ZNF69: variants seen among roughly 807,000 people sequenced by gnomAD.
ZNF69 encodes the protein zinc finger protein 69, also known as ZNF3.
In ZNF69, 47 loss-of-function variants were observed where a neutral mutation model predicts 50.9. The observed-to-expected ratio is 0.92, with a 90% CI of 0.73 to 1.18. The LOEUF is 1.18. Ranked by LOEUF, ZNF69 falls within the 50% of genes most tolerant of loss-of-function variation. ZNF69 has a pLI of 0.00. For missense variants in ZNF69, 717 were observed against 675.1 expected (o/e 1.06, Z -0.69); for synonymous variants, 216 against 223.1 (o/e 0.97, Z 0.29).
chr19:11,911,506 A>G (rs1462782974), downstream of ZNF69, among the ~76,000 whole-genome samples: 1 of 152,212 alleles, frequency 6.6e-6, no homozygotes, highest in Admixed American at 6.5e-5. Flanking sequence ...AAAAATGATG[A>G]GTTCATGTCC....
At chr19:11,923,243 A>G in the ZNF69 span, among the ~76,000 whole-genome samples, 1 of 152,158 alleles carries the variant, frequency 6.6e-6, no homozygotes, top group Non-Finnish European at 1.5e-5. Context: ...TTTTCTTTCC[A>G]TAAGGAAGCA....
chr19:11,949,360 T>C, the ZNF69 span: 1 of 1,613,772 alleles, frequency 6.2e-7, no homozygotes, highest in Non-Finnish European at 8.5e-7. Flanking sequence ...AGAGAAACCC[T>C]ATGAATGTAA....
the ZNF69 span, chr19:11,978,047 C>T: frequency 6.4e-7 from 1 of 1,555,620 alleles, no homozygotes; most frequent in Middle Eastern, 1.8e-4. Context: ...GTTAAAAATG[C>T]AAGTGCAATA....
chr19:11,955,045 C>T, the ZNF69 span, among the ~76,000 whole-genome samples: 348 of 134,636 alleles, frequency 2.6e-3, 2 homozygotes, highest in African/African-American at 9.1e-3. Context: ...ACTCTTGTTG[C>T]CCAGGCTGGA....
At chr19:11,911,914 A>G (rs1298135960) in intron 4 of ZNF69, among the ~76,000 whole-genome samples, 2 of 152,238 alleles carry the variant, frequency 1.3e-5, no homozygotes, top group African/African-American at 2.4e-5. Flanking sequence ...TTTCAAATAC[A>G]TGAAAAATCT....
chr19:11,914,071 C>G (rs961992505), exon 5 of ZNF69: 1 of 152,154 alleles, frequency 6.6e-6, no homozygotes, highest in Non-Finnish European at 1.5e-5. Flanking sequence ...TGGTGGCTCA[C>G]GCCTGTAATC....
At chr19:11,903,432 A>T in intron 1 of ZNF69, 141 bp from the exon 2 acceptor site, 1 of 1,408,662 alleles carries the variant, frequency 7.1e-7, no homozygotes, top group Non-Finnish European at 9.6e-7. Flanking sequence ...GCTTTATGGA[A>T]GAAAGTAAGT....
downstream of ZNF69, chr19:11,914,463 A>T (rs1972503516): frequency 6.6e-6 from 1 of 152,242 alleles, no homozygotes; most frequent in South Asian, 2.1e-4. Context: ...TAGTTAAAAC[A>T]TAAAATCATT....
At chr19:11,926,551 C>A in the ZNF69 span, 1 of 153,066 alleles carries the variant, frequency 6.5e-6, no homozygotes, top group Non-Finnish European at 1.5e-5. Context: ...ACTATGCCCT[C>A]CTAATTTTTG....
the ZNF69 span, chr19:11,979,970 G>C: frequency 2.1e-4 from 257 of 1,227,216 alleles, no homozygotes; most frequent in African/African-American, 3.4e-3. Flanking sequence ...TTACACTGGA[G>C]AGAAACCCTA....
At chr19:11,972,925 C>CA in the ZNF69 span, among the ~76,000 whole-genome samples, 1,381 of 130,766 alleles carry the variant, frequency 0.011, 7 homozygotes, top group African/African-American at 0.015. Flanking sequence ...GACCCTGTTT[C>CA]AAAAAAAAAA....
the ZNF69 span, among the ~76,000 whole-genome samples, chr19:11,921,796 C>A: frequency 6.6e-6 from 1 of 152,204 alleles, no homozygotes; most frequent in Non-Finnish European, 1.5e-5. Flanking sequence ...AGCCACTGCG[C>A]CCGGCCCTGA....
the ZNF69 span, among the ~76,000 whole-genome samples, chr19:11,970,634 A>G: frequency 2.0e-5 from 3 of 152,188 alleles, no homozygotes; most frequent in Middle Eastern, 3.2e-3. Flanking sequence ...GGTTTGTCAT[A>G]GTTTCATATT....
the ZNF69 span, chr19:11,977,534 A>G: frequency 7.2e-7 from 1 of 1,379,548 alleles, no homozygotes; most frequent in Non-Finnish European, 1.0e-6. Context: ...TATCAAATTC[A>G]TCTCTTCTTA....
chr19:11,976,723 G>A, the ZNF69 span: 95 of 345,222 alleles, frequency 2.8e-4, no homozygotes, highest in South Asian at 2.8e-3. Flanking sequence ...AAAATTAGCC[G>A]GGTGTGGTGG....
the ZNF69 span, among the ~76,000 whole-genome samples, chr19:11,932,764 AG>A: frequency 6.8e-6 from 1 of 146,392 alleles, no homozygotes; most frequent in East Asian, 1.9e-4. Flanking sequence ...CAGCCTCCCA[AG>A]TAGCTGGGAC....
chr19:11,973,739 G>T, the ZNF69 span, among the ~76,000 whole-genome samples: 12,013 of 146,362 alleles, frequency 0.082, 876 homozygotes, highest in African/African-American at 0.21. Flanking sequence ...TTTTTTTAAA[G>T]ACTCACCTTG....
chr19:11,939,223 T>C, the ZNF69 span, among the ~76,000 whole-genome samples: 28 of 152,332 alleles, frequency 1.8e-4, no homozygotes, highest in African/African-American at 6.3e-4. Flanking sequence ...AGAAGCTCTT[T>C]AGTTTAATTA....
intron 4 of ZNF69, among the ~76,000 whole-genome samples, chr19:11,913,095 G>A (rs10414934): frequency 0.094 from 14,251 of 151,800 alleles, 1,399 homozygotes; most frequent in African/African-American, 0.24. Context: ...TACTCGGCAG[G>A]CTGAGGCAGG....
Sources: gnomAD v4.1 joint callset for allele counts (sites outside exome capture counted in the v4.1 genomes callset) on GRCh38, gnomAD v4.1.1 for gene constraint, MANE v1.5 for transcripts, NCBI Gene and HGNC (gene_info 2026-07-23, HGNC 2026-07-21) for gene names.